OR2C1: variants seen among roughly 807,000 people sequenced by gnomAD.
The protein encoded by OR2C1 is olfactory receptor 2C1.
For missense variants in OR2C1, 468 were observed against 388.3 expected (o/e 1.21, Z -1.73); for synonymous variants, 209 against 167.3 (o/e 1.25, Z -1.92).
At chr16:3,328,213 A>G in the OR2C1 span, among the ~76,000 whole-genome samples, 3 of 152,188 alleles carry the variant, frequency 2.0e-5, no homozygotes, top group East Asian at 3.9e-4. Context: ...AAGATCCTTT[A>G]TGGCCAGTTA....
At chr16:3,334,434 G>A in the OR2C1 span, among the ~76,000 whole-genome samples, 15 of 151,378 alleles carry the variant, frequency 9.9e-5, no homozygotes, top group African/African-American at 2.9e-4. Flanking sequence ...CCTCAGCACA[G>A]CCTGCTAATT....
the OR2C1 span, chr16:3,323,481 G>A: frequency 3.5e-5 from 26 of 735,416 alleles, no homozygotes; most frequent in Non-Finnish European, 4.2e-5. Flanking sequence ...ATGAATTCCC[G>A]GACAGACTTC....
chr16:3,354,859 G>A (rs2030634567), upstream of OR2C1, among the ~76,000 whole-genome samples: 2 of 152,078 alleles, frequency 1.3e-5, no homozygotes, highest in Admixed American at 1.3e-4. Flanking sequence ...TGAACACTGG[G>A]GCTCAAGAGA....
chr16:3,341,380 T>A, the OR2C1 span, among the ~76,000 whole-genome samples: 1 of 152,308 alleles, frequency 6.6e-6, no homozygotes, highest in South Asian at 2.1e-4. Context: ...TATATGATCA[T>A]GCTATTTATG....
Position 3,356,335 on chromosome 16 carries a change from A to T in OR2C1, c.395A>T (p.Tyr132Phe). The part of the protein sequence containing the change: ...RYVAVCRPLR[Y>F]TAIMNPQLCW... ...GTGGCAGTGTGCCGGCCCCTCCGCTACACCGCCATCATGAACCCCCAGCTC... is the reference window on the plus strand; with the variant it reads ...GTGGCAGTGTGCCGGCCCCTCCGCTTCACCGCCATCATGAACCCCCAGCTC... The change falls in exon 1 of 1, where the codon TAC becomes TTC. Residue 132 changes from tyrosine (Y) to phenylalanine (F), a missense_variant. Physicochemically the swap from Tyr to Phe is conservative, Grantham distance 22. Coordinates refer to ENST00000304936, the MANE Select transcript of OR2C1 (RefSeq NM_012368.3). 1.2e-6 allele frequency: 2 copies of T among 1,613,320 alleles called. No homozygotes were observed. Among genetic ancestry groups the T allele is most frequent in the Non-Finnish European group, 8.5e-7 (1 of 1,179,958 alleles).
Position 3,356,734 on chromosome 16 carries a change from A to G in OR2C1, c.794A>G (p.Asn265Ser). ...ASYGYLLPAK[N>S]SKQDQGKFIS... ...TATGGGTATCTGCTTCCGGCCAAGA[A>G]CAGCAAACAGGACCAGGGCAAGTTC... Residue 265 changes from asparagine to serine, a missense_variant, in exon 1 of 1, where the codon AAC (asparagine) becomes AGC (serine). Coordinates refer to ENST00000304936, the MANE Select transcript of OR2C1 (RefSeq NM_012368.3). 2 of 1,613,952 alleles carry G rather than the reference A, an allele frequency of 1.2e-6. No homozygotes were observed. Among genetic ancestry groups the G allele is most frequent in the South Asian group, 2.2e-5 (2 of 91,072 alleles).
At chr16:3,337,295 C>A in the OR2C1 span, among the ~76,000 whole-genome samples, 1 of 151,934 alleles carries the variant, frequency 6.6e-6, no homozygotes, top group Non-Finnish European at 1.5e-5. Flanking sequence ...GCTGGGATTA[C>A]CAGTGAGGGC....
the OR2C1 span, among the ~76,000 whole-genome samples, chr16:3,347,860 GCGCACA>G: frequency 2.0e-4 from 1 of 4,986 alleles, no homozygotes; most frequent in Non-Finnish European, 4.3e-4. Context: ...ACGCACACAC[GCGCACA>G]CACACACGCA....
chr16:3,325,567 G>A, the OR2C1 span, among the ~76,000 whole-genome samples: 4 of 149,416 alleles, frequency 2.7e-5, no homozygotes, highest in East Asian at 2.0e-4. Context: ...AAATGGCAGC[G>A]ATAGACTTGC....
At chr16:3,344,007 T>G in the OR2C1 span, among the ~76,000 whole-genome samples, 1 of 151,850 alleles carries the variant, frequency 6.6e-6, no homozygotes, top group Non-Finnish European at 1.5e-5. Context: ...TCACTTGAGG[T>G]CAGGAGTTTG....
chr16:3,331,020 C>A, the OR2C1 span, among the ~76,000 whole-genome samples: 650 of 152,306 alleles, frequency 4.3e-3, 6 homozygotes, highest in African/African-American at 0.015. Flanking sequence ...AAAAGTGTTG[C>A]TATTTCTCCA....
At chr16:3,331,292 T>C in the OR2C1 span, among the ~76,000 whole-genome samples, 1 of 152,128 alleles carries the variant, frequency 6.6e-6, no homozygotes. Flanking sequence ...TATCAGCCCT[T>C]TGTCAGATGA....
chr16:3,330,316 T>G, the OR2C1 span, among the ~76,000 whole-genome samples: 1 of 150,626 alleles, frequency 6.6e-6, no homozygotes, highest in Non-Finnish European at 1.5e-5. Context: ...CAGGGTTTCA[T>G]CGTGTTATCC....
chr16:3,351,208 TTTTTTC>T (rs1567284900), upstream of OR2C1, among the ~76,000 whole-genome samples: 45 of 10,062 alleles, frequency 4.5e-3, no homozygotes, highest in African/African-American at 0.012. Context: ...TCTTTTTTCT[TTTTTTC>T]TTTTTCTTTT....
At chr16:3,333,100 T>A in the OR2C1 span, among the ~76,000 whole-genome samples, 1 of 151,990 alleles carries the variant, frequency 6.6e-6, no homozygotes, top group African/African-American at 2.4e-5. Flanking sequence ...TATCTCATTG[T>A]GGTTTTGATT....
the OR2C1 span, among the ~76,000 whole-genome samples, chr16:3,347,554 A>T: frequency 0.87 from 131,808 of 151,570 alleles, 57,347 homozygotes; most frequent in East Asian, 0.95. Context: ...ACTCCTCATA[A>T]CAACTGCTTG....
At chr16:3,344,765 T>C in the OR2C1 span, among the ~76,000 whole-genome samples, 1 of 151,958 alleles carries the variant, frequency 6.6e-6, no homozygotes, top group Admixed American at 6.5e-5. Flanking sequence ...AAGTGTTGGG[T>C]AGAACGTGGG....
At chr16:3,338,230 G>C in the OR2C1 span, among the ~76,000 whole-genome samples, 1 of 152,124 alleles carries the variant, frequency 6.6e-6, no homozygotes, top group Non-Finnish European at 1.5e-5. Flanking sequence ...TTCAGGGTTG[G>C]GAATGGTAGT....
At chr16:3,352,825 T>C (rs994778426), upstream of OR2C1, among the ~76,000 whole-genome samples, 3 of 148,992 alleles carry the variant, frequency 2.0e-5, no homozygotes, top group African/African-American at 7.4e-5. Context: ...CACTGCAAAC[T>C]CCGCCTCCTG....
Sources: gnomAD v4.1 joint callset for allele counts (sites outside exome capture counted in the v4.1 genomes callset) on GRCh38, gnomAD v4.1.1 for gene constraint, MANE v1.5 for transcripts, NCBI Gene and HGNC (gene_info 2026-07-23, HGNC 2026-07-21) for gene names.